ASPSCR1: variants seen among roughly 807,000 people sequenced by gnomAD.
ASPSCR1 encodes ASPSCR1 tether for SLC2A4, UBX domain containing, also known as tether containing UBX domain for GLUT4.
In ASPSCR1, 55 loss-of-function variants were observed where a neutral mutation model predicts 68.9. That is an observed-to-expected ratio of 0.80 (90% CI 0.64 to 1.00). ASPSCR1 has a LOEUF of 1.00. Ranked by LOEUF, ASPSCR1 falls within the 50% of genes least tolerant of loss-of-function variation. The pLI is 0.00. For missense variants in ASPSCR1, 765 were observed against 762.2 expected (o/e 1.00, Z -0.04); for synonymous variants, 352 against 332.6 (o/e 1.06, Z -0.63).
intron 4 of ASPSCR1, among the ~76,000 whole-genome samples, chr17:81,988,148 CAAA>C (rs756745360): frequency 1.0e-4 from 10 of 98,016 alleles, no homozygotes; most frequent in Admixed American, 3.5e-4. Context: ...GACTCTGTCT[CAAA>C]AAAAAAAAAA....
In ASPSCR1 at chr17:81,985,493, C is replaced by G. The variant is rs376789001; in HGVS notation, c.274-14C>G. Reference sequence around the variant, plus strand: ...TTCTTCCTAAGGAAGTTTCTCATGTCTTATACCCTCCAGGTTCGCATCGCT... The same window carrying G: ...TTCTTCCTAAGGAAGTTTCTCATGTGTTATACCCTCCAGGTTCGCATCGCT... On this transcript the variant is annotated splice_polypyrimidine_tract_variant and intron_variant, in intron 3 of 15. Coordinates refer to ENST00000306739, the MANE Select transcript of ASPSCR1 (RefSeq NM_024083.4). The G allele has an allele frequency of 2.4e-5, 38 of 1,612,988 alleles. No individual in the cohort carries two copies. The highest frequency in any genetic ancestry group is 3.1e-5 in the Non-Finnish European group (36 of 1,179,212).
rs911634739 is a variant in ASPSCR1 at position 81,996,189 on chromosome 17, G to A, written c.506+124G>A. ...TGTACCCAGGCCCTCATCATGGAGA[G>A]CGCCTGGTGGCCTCTGCCTGCCTGT... is the stretch of plus-strand genomic sequence containing the variant. On this transcript the variant is annotated intron_variant, in intron 6 of 15. Coordinates refer to ENST00000306739, the MANE Select transcript of ASPSCR1 (RefSeq NM_024083.4). The A allele has an allele frequency of 2.8e-5, 38 of 1,333,598 alleles. No homozygotes were observed. The African/African-American group carries it at 5.0e-4, about 18-fold the overall frequency. The allele number at this position is 1,333,598 out of a possible 1,614,324, so 82.6% of individuals were successfully genotyped here.
At chr17:81,996,963 A>G in intron 7 of ASPSCR1, 117 bp downstream of exon 7, 2 of 1,502,434 alleles carry the variant, frequency 1.3e-6, no homozygotes, top group Non-Finnish European at 1.8e-6. Flanking sequence ...GAGGAACCCA[A>G]ACGCGCAGAG....
At chr17:82,000,962 G>A (rs984212789) in intron 7 of ASPSCR1, among the ~76,000 whole-genome samples, 17 of 152,210 alleles carry the variant, frequency 1.1e-4, no homozygotes, top group Non-Finnish European at 4.4e-5. Context: ...CAAAGGCTGG[G>A]TCTGCCCGCA....
Position 82,012,250 on chromosome 17 carries a change from A to C in ASPSCR1, c.1320A>C (p.Thr440=), listed in dbSNP as rs752616825. 6.2e-7 allele frequency: 1 copy of C among 1,613,618 alleles called. No individual in the cohort carries two copies. The highest frequency in any genetic ancestry group is 8.5e-7 in the Non-Finnish European group (1 of 1,179,940). ...CCTCAGTCATCACCCCTCCAAAAAC[A>C]GTCCTGGACGACCACACGCAGACCC... ...SFYLFITPPK[T]VLDDHTQTLF... Residue 440 remains threonine, a synonymous_variant, in exon 12 of 16, where the codon ACA becomes ACC. Transcript: ENST00000306739.
rs930881255 is a variant in ASPSCR1 at position 81,982,754 on chromosome 17, CTTT to C, written c.159-799_159-797del. Reference sequence around the variant, plus strand: ...TTTCTTTCTTGTTTTCTCTTTCTTTCTTTCTTTCTTCTTCTCTTTTTCTTTTTC... The same window carrying C: ...TTTCTTTCTTGTTTTCTCTTTCTTTCCTTTCTTCTTCTCTTTTTCTTTTTC... On this transcript the variant is annotated intron_variant, in intron 2 of 15. Transcript: ENST00000306739. 80 of 151,758 alleles carry C rather than the reference CTTT, an allele frequency of 5.3e-4. 1 individual carries two copies. Among genetic ancestry groups the C allele is most frequent in the African/African-American group, 1.9e-3 (79 of 41,386 alleles). 9.4% of individuals were successfully genotyped at this position (151,758 alleles called of 1,614,324 possible).
At chr17:81,996,233 G>A (rs888122610) in intron 6 of ASPSCR1, among the ~76,000 whole-genome samples, 168 bp downstream of exon 6, 1 of 152,120 alleles carries the variant, frequency 6.6e-6, no homozygotes, top group African/African-American at 2.4e-5. Flanking sequence ...GGGCTGGGCT[G>A]CCCCGACCTC....
chr17:82,000,115 C>T (rs2042479494), intron 7 of ASPSCR1, among the ~76,000 whole-genome samples: 1 of 152,266 alleles, frequency 6.6e-6, no homozygotes, highest in Non-Finnish European at 1.5e-5. Context: ...GGGGCTGACC[C>T]CCTCTAGGCC....
chr17:81,981,999 C>T (rs2041810834), intron 2 of ASPSCR1, among the ~76,000 whole-genome samples: 1 of 150,634 alleles, frequency 6.6e-6, no homozygotes, highest in East Asian at 2.0e-4. Context: ...GACGGAGTCT[C>T]GCTCTGTCGC....
chr17:81,986,137 G>C lies in ASPSCR1; in HGVS notation c.374+530G>C, dbSNP rs781017976. 6.0e-4 allele frequency among the ~76,000 whole-genome samples: 90 copies of C among 151,196 alleles called. No homozygotes were observed. In the Middle Eastern group the frequency reaches 0.017, roughly 29 times the overall value. On this transcript the variant is annotated intron_variant, in intron 4 of 15. Coordinates refer to ENST00000306739, the MANE Select transcript of ASPSCR1 (RefSeq NM_024083.4). The surrounding 1 kb of genome is among the most constrained non-coding windows in gnomAD (Gnocchi z 5.2). ...TTCCTAATAGTAATTGGATGGCTGG[G>C]CACAGTGGCTGGGCACAGTGGCTGG...
At position 82,009,085 on chromosome 17, in the gene ASPSCR1, G is replaced by A. The variant is rs550938532; in HGVS notation, c.982G>A (p.Asp328Asn). The A allele has an allele frequency of 8.7e-5, 138 of 1,584,192 alleles. No homozygotes were observed. The highest frequency in any genetic ancestry group is 5.4e-5 in the Admixed American group (3 of 55,602). Residue 328 changes from aspartate to asparagine, a missense_variant, in exon 8 of 16, where the codon GAC becomes AAC. By Grantham distance (23) the Asp-to-Asn change is conservative. Coordinates refer to ENST00000306739, the MANE Select transcript of ASPSCR1 (RefSeq NM_024083.4). ...CCGGGAGCCGGTGGTGTGCCACCCC[G>A]ACCTGGAGGAGCGGCTGCAGGCCTG... ...VDREPVVCHP[D>N]LEERLQAWPA...
At chr17:81,979,420 T>C (rs1339406501) in intron 2 of ASPSCR1, among the ~76,000 whole-genome samples, 181 bp downstream of exon 2, 1 of 152,148 alleles carries the variant, frequency 6.6e-6, no homozygotes, top group African/African-American at 2.4e-5. Flanking sequence ...TAAGGGAGAA[T>C]CCCTCCTGCC....
rs150829995 is a variant in ASPSCR1, at chr17:81,996,732, C to T, written c.819C>T (p.Leu273=). ...CTTCAGCTAAGTTGCCGAAGTCCCT[C>T]TCCAGCCCTGGAGGCCCCTCCAAGC... The part of the protein sequence containing the change: ...TSSSAKLPKS[L]SSPGGPSKPK... Residue 273 remains leucine, a synonymous_variant, in exon 7 of 16, where the codon CTC becomes CTT. Coordinates refer to ENST00000306739, the MANE Select transcript of ASPSCR1 (RefSeq NM_024083.4). The T allele has an allele frequency of 2.2e-4, 358 of 1,613,546 alleles. 2 individuals are homozygous for T. The highest frequency in any genetic ancestry group is 2.4e-4 in the Non-Finnish European group (282 of 1,179,992).
Position 81,983,480 on chromosome 17 carries a change from G to GGGATGGTGGGGCGT in ASPSCR1, c.159-68_159-67insTGGGGCGTGGATGG, listed in dbSNP as rs2041862915. ...ATGGCGGGGCGTGGATGGTGGGACG[G>GGGATGGTGGGGCGT]GGATGGCGGGGCGTGGATGGCAGGG... On this transcript the variant is annotated intron_variant, in intron 2 of 15. Coordinates refer to ENST00000306739, the MANE Select transcript of ASPSCR1 (RefSeq NM_024083.4). The surrounding 1 kb of genome is among the most constrained non-coding windows in gnomAD (Gnocchi z 4.4). 1 of 1,211,560 alleles carries GGGATGGTGGGGCGT rather than the reference G, an allele frequency of 8.3e-7. No individual in the cohort carries two copies. The highest frequency in any genetic ancestry group is 1.6e-5 in the African/African-American group (1 of 63,594). 75.1% of individuals were successfully genotyped at this position (1,211,560 alleles called of 1,614,324 possible).
intron 3 of ASPSCR1, among the ~76,000 whole-genome samples, chr17:81,985,301 C>T (rs535704196): frequency 3.3e-5 from 5 of 152,302 alleles, no homozygotes; most frequent in South Asian, 4.2e-4. Flanking sequence ...CATGCACACA[C>T]GCATGCTGGT....
At chr17:82,009,361 C>T in intron 8 of ASPSCR1, 125 bp from the exon 9 acceptor site, 1 of 1,357,698 alleles carries the variant, frequency 7.4e-7, no homozygotes, top group Non-Finnish European at 9.9e-7. Flanking sequence ...GCGTCCAGAC[C>T]TTCCTGCCTT....
In ASPSCR1 at chr17:81,990,374, C is replaced by T. The variant is rs997636108; in HGVS notation, c.375-4447C>T. ...GACAGAGGCTGCACACTGCTGGCTTCGAGCTTTCCCATTTTCCCTATAGTC... is the reference window on the plus strand; with the variant it reads ...GACAGAGGCTGCACACTGCTGGCTTTGAGCTTTCCCATTTTCCCTATAGTC... On this transcript the variant is annotated intron_variant, in intron 4 of 15. Transcript: ENST00000306739. This position sits in a 1 kb window ranked among gnomAD's most constrained non-coding sequence, Gnocchi z 4.1. Among the ~76,000 whole-genome samples, 7 of 152,170 alleles carry T rather than the reference C, an allele frequency of 4.6e-5. No individual in the cohort carries two copies. The highest frequency in any genetic ancestry group is 1.2e-4 in the African/African-American group (5 of 41,432).
At chr17:82,011,008 C>T in intron 10 of ASPSCR1, 140 bp downstream of exon 10, 9 of 1,010,310 alleles carry the variant, frequency 8.9e-6, no homozygotes, top group Middle Eastern at 3.2e-4. Flanking sequence ...GTGCTGATGT[C>T]CCCTTGGGGG....
intron 7 of ASPSCR1, among the ~76,000 whole-genome samples, chr17:81,998,278 T>C (rs187912022): frequency 1.3e-5 from 2 of 152,344 alleles, no homozygotes; most frequent in Admixed American, 6.5e-5. Context: ...GCCTGAAAGT[T>C]ACTTTTTATA....
Sources: allele counts gnomAD v4.1 joint callset (sites outside exome capture counted in the v4.1 genomes callset), GRCh38; gene constraint gnomAD v4.1.1; non-coding constraint Gnocchi (gnomAD v3.1); transcripts MANE v1.5; gene names NCBI Gene and HGNC (gene_info 2026-07-23, HGNC 2026-07-21).